RBFOX1: variants seen among roughly 807,000 people sequenced by gnomAD.
RBFOX1 encodes the protein RNA binding protein fox-1 homolog 1.
Under a neutral mutation model 57.7 loss-of-function variants are expected in RBFOX1, and 8 were observed. The ratio of observed to expected loss-of-function variants is 0.14; its 90% CI spans 0.08 to 0.25. The LOEUF (loss-of-function observed/expected upper bound fraction) is 0.25. Ranked by LOEUF, RBFOX1 falls within the 10% of genes least tolerant of loss-of-function variation. The probability of loss-of-function intolerance (pLI) is 1.00; values close to 1 mark genes in which losing one functional copy is unlikely to be tolerated. For synonymous variants in RBFOX1, 326 were observed against 222.4 expected, an observed-to-expected ratio of 1.47 and a Z score of -4.15; for missense variants, 611 against 548.5, an observed-to-expected ratio of 1.11 and a Z score of -1.14.
chr16:6,034,658 C>T (rs1485339795), intron 1 of RBFOX1, among the ~76,000 whole-genome samples: 5 of 152,224 alleles, frequency 3.3e-5, no homozygotes, highest in Non-Finnish European at 5.9e-5. Flanking sequence ...TGAATTTTGG[C>T]GGGGACACAA....
At chr16:5,624,291 T>C (rs1371156056) in intron 3 of RBFOX1, among the ~76,000 whole-genome samples, 5 of 152,116 alleles carry the variant, frequency 3.3e-5, no homozygotes, top group African/African-American at 1.2e-4. Flanking sequence ...ACCTTCTGGG[T>C]TCACACCATT....
intron 1 of RBFOX1, among the ~76,000 whole-genome samples, chr16:5,390,727 C>G (rs576214371): frequency 1.3e-5 from 2 of 152,160 alleles, no homozygotes; most frequent in African/African-American, 4.8e-5. Context: ...ACACCTAACC[C>G]CAATCAGTTC....
intron 4 of RBFOX1, among the ~76,000 whole-genome samples, chr16:7,183,303 A>G (rs111997416): frequency 2.0e-5 from 3 of 152,252 alleles, no homozygotes; most frequent in African/African-American, 4.8e-5. Context: ...GTGCTTGTCA[A>G]TTTACAGAGG....
intron 4 of RBFOX1, among the ~76,000 whole-genome samples, chr16:7,212,025 C>A (rs558279564): frequency 3.3e-5 from 5 of 152,086 alleles, no homozygotes; most frequent in Admixed American, 1.3e-4. Context: ...GGCTGAGTCA[C>A]GGTTTCTGGA....
intron 1 of RBFOX1, among the ~76,000 whole-genome samples, chr16:6,054,171 C>G (rs1010990437): frequency 1.3e-5 from 2 of 152,018 alleles, no homozygotes; most frequent in Admixed American, 1.3e-4. Context: ...AGTATCTTTC[C>G]TAATAGGGTA....
At chr16:5,600,131 T>TGC (rs1336059794) in exon 3 of RBFOX1, 1 of 61,006 alleles carries the variant, frequency 1.6e-5, no homozygotes, top group Non-Finnish European at 3.4e-5. Context: ...CTACTAAAAA[T>TGC]ACAAAAAAAA....
intron 3 of RBFOX1, among the ~76,000 whole-genome samples, chr16:6,859,365 C>T (rs2058609407): frequency 6.6e-6 from 1 of 151,436 alleles, no homozygotes; most frequent in Non-Finnish European, 1.5e-5. Flanking sequence ...ATTCTCTGTT[C>T]TCCTCAAACA....
intron 2 of RBFOX1, among the ~76,000 whole-genome samples, chr16:5,491,968 C>T (rs552001523): frequency 6.6e-6 from 1 of 152,292 alleles, no homozygotes; most frequent in African/African-American, 2.4e-5. Context: ...ATTTTTAAAG[C>T]CTCTGCAGTG....
intron 2 of RBFOX1, among the ~76,000 whole-genome samples, chr16:6,561,288 G>C (rs963318143): frequency 2.9e-4 from 44 of 152,210 alleles, no homozygotes; most frequent in African/African-American, 1.0e-3. Flanking sequence ...CAGTCTGCTG[G>C]GTAAATGTTC....
intron 3 of RBFOX1, among the ~76,000 whole-genome samples, chr16:6,866,330 A>G (rs551720113): frequency 1.3e-4 from 19 of 151,996 alleles, no homozygotes; most frequent in Non-Finnish European, 2.6e-4. Context: ...AAACAAGGAA[A>G]TAGATCACTT....
chr16:5,861,217 CA>C (rs1034419717), intron 3 of RBFOX1, among the ~76,000 whole-genome samples: 24 of 152,170 alleles, frequency 1.6e-4, no homozygotes, highest in African/African-American at 5.6e-4. Context: ...TGTGGGCAGC[CA>C]GCTGGGTCTG....
At chr16:5,953,715 T>TATATAC (rs2059567261) in intron 4 of RBFOX1, among the ~76,000 whole-genome samples, 1 of 139,640 alleles carries the variant, frequency 7.2e-6, no homozygotes, top group Admixed American at 7.4e-5. Context: ...TATATATATA[T>TATATAC]ATATATATAT....
chr16:6,982,993 TA>T (rs370173635), intron 3 of RBFOX1, among the ~76,000 whole-genome samples: 43 of 79,344 alleles, frequency 5.4e-4, no homozygotes, highest in Admixed American at 7.2e-4. Context: ...AGACTCTGTC[TA>T]AAAAAAAAAA....
intron 2 of RBFOX1, among the ~76,000 whole-genome samples, chr16:5,554,858 G>T (rs1242355468): frequency 6.6e-6 from 1 of 152,152 alleles, no homozygotes; most frequent in South Asian, 2.1e-4. Context: ...CTGAGCAGTT[G>T]TCTCCAATGT....
chr16:6,628,782 A>T (rs2098343487), intron 2 of RBFOX1, among the ~76,000 whole-genome samples: 1 of 152,226 alleles, frequency 6.6e-6, no homozygotes, highest in Admixed American at 6.5e-5. Context: ...TAGAACTGTC[A>T]TTCTTCCAAA....
chr16:7,553,307 C>T (rs1008247828), intron 5 of RBFOX1, among the ~76,000 whole-genome samples: 2 of 152,028 alleles, frequency 1.3e-5, no homozygotes, highest in African/African-American at 4.8e-5. Context: ...ACCACACCCC[C>T]TAATTTTTAA....
intron 3 of RBFOX1, among the ~76,000 whole-genome samples, chr16:5,622,691 T>C (rs2048235092): frequency 6.6e-6 from 1 of 152,234 alleles, no homozygotes; most frequent in African/African-American, 2.4e-5. Context: ...TTATGTATTG[T>C]GGCTTTCCTG....
intron 3 of RBFOX1, among the ~76,000 whole-genome samples, chr16:7,036,300 C>G (rs1239429358): frequency 2.0e-5 from 3 of 151,404 alleles, no homozygotes; most frequent in Admixed American, 2.0e-4. Flanking sequence ...GTGTCCCATC[C>G]TAAAACTTTC....
chr16:5,888,816 A>G (rs1055702039), intron 4 of RBFOX1, among the ~76,000 whole-genome samples: 1 of 144,426 alleles, frequency 6.9e-6, no homozygotes, highest in African/African-American at 2.5e-5. Flanking sequence ...AAAAAAAAAA[A>G]AAAAAAGTTG....
Sources: gnomAD v4.1 joint callset for allele counts (sites outside exome capture counted in the v4.1 genomes callset) on GRCh38, gnomAD v4.1.1 for gene constraint, MANE v1.5 for transcripts, NCBI Gene and HGNC (gene_info 2026-07-23, HGNC 2026-07-21) for gene names.